COG3: variants seen among roughly 807,000 people sequenced by gnomAD.
COG3 encodes the protein conserved oligomeric Golgi complex subunit 3.
Under a neutral mutation model 114.1 loss-of-function variants are expected in COG3, and 32 were observed. The ratio of observed to expected loss-of-function variants is 0.28; its 90% CI spans 0.21 to 0.38. The LOEUF (loss-of-function observed/expected upper bound fraction) is 0.38. Among genes scored for constraint, COG3 ranks in the 10% least tolerant of loss-of-function variants. The pLI, the probability that COG3 is intolerant of heterozygous loss-of-function variation, is 1.00. For synonymous variants in COG3, 352 were observed against 365.7 expected (o/e 0.96, Z 0.43); for missense variants, 813 against 973.2 (o/e 0.84, Z 2.19).
intron 1 of COG3, among the ~76,000 whole-genome samples, chr13:45,471,650 G>A (rs760908507): frequency 3.3e-5 from 5 of 151,486 alleles, no homozygotes; most frequent in East Asian, 3.9e-4. Context: ...TTTATCTAGC[G>A]TTATATTCTG....
At chr13:45,513,767 C>T (rs1871227622) in intron 16 of COG3, among the ~76,000 whole-genome samples, 1 of 151,532 alleles carries the variant, frequency 6.6e-6, no homozygotes, top group Non-Finnish European at 1.5e-5. Context: ...TCTGTGCCCG[C>T]ACATTTTTGA....
chr13:45,503,593 G>A (rs1309842165), intron 14 of COG3, among the ~76,000 whole-genome samples: 1 of 152,216 alleles, frequency 6.6e-6, no homozygotes, highest in East Asian at 1.9e-4. Flanking sequence ...AGCTCTGAGT[G>A]TGGGAAGGTG....
At chr13:45,508,386 T>TTATATATATATATA (rs10571584) in intron 14 of COG3, among the ~76,000 whole-genome samples, 9 of 109,686 alleles carry the variant, frequency 8.2e-5, no homozygotes, top group African/African-American at 2.7e-4. Flanking sequence ...ATATATATTT[T>TTATATATATATATA]TATATATATA....
chr13:45,529,830 T>C lies in COG3; in HGVS notation c.2270T>C (p.Ile757Thr). Residue 757 changes from isoleucine to threonine, a missense_variant, in exon 21 of 23, where the codon ATA (isoleucine) becomes ACA (threonine). By Grantham distance (89) the Ile-to-Thr change is moderately conservative. Transcript: ENST00000349995. ...CTTGCGGCAACTGCATATAAGACAA[T>C]AAAAACAAAGCTGCCTGTGACATTG... is the stretch of plus-strand genomic sequence containing the variant. ...NDLAATAYKT[I>T]KTKLPVTLRS... The C allele has an allele frequency of 6.2e-7, 1 of 1,613,616 alleles. No individual in the cohort carries two copies. The highest frequency in any genetic ancestry group is 8.5e-7 in the Non-Finnish European group (1 of 1,179,616).
At position 45,465,035 on chromosome 13, in the gene COG3, CG is replaced by C; in HGVS notation, c.-1del. On this transcript the variant is annotated 5_prime_UTR_variant, in exon 1 of 23. Transcript: ENST00000349995. ...CTGCTGAAGGCCGCGAGGGCGGCGG[CG>C]ATGGCGGAGGCGGCGCTGTTGCTGC... The C allele has an allele frequency of 6.4e-7, 1 of 1,566,622 alleles. No homozygotes were observed. The highest frequency in any genetic ancestry group is 8.6e-7 in the Non-Finnish European group (1 of 1,157,954).
chr13:45,535,517 G>A lies in COG3; in HGVS notation c.*786G>A, dbSNP rs910903833. 43 of 985,448 alleles carry A rather than the reference G, an allele frequency of 4.4e-5. No homozygotes were observed. The highest frequency in any genetic ancestry group is 3.1e-4 in the Admixed American group (5 of 16,262). The allele number at this position is 985,448 out of a possible 1,614,324, so 61.0% of individuals were successfully genotyped here. On this transcript the variant is annotated 3_prime_UTR_variant, in exon 23 of 23. Transcript: ENST00000349995. The stretch of plus-strand genomic sequence containing the variant: ...CCAATTAAGGTGTCTTAAATTTGGC[G>A]CATAGAGGAGAGAAGGAAACCTGAG...
At chr13:45,500,553 CT>C (rs1869413063) in intron 13 of COG3, among the ~76,000 whole-genome samples, 2 of 152,016 alleles carry the variant, frequency 1.3e-5, no homozygotes, top group Non-Finnish European at 2.9e-5. Flanking sequence ...TTAAAGTAGA[CT>C]TTGTATTGTA....
intron 8 of COG3, among the ~76,000 whole-genome samples, chr13:45,489,261 T>TAAAA (rs1180674485): frequency 2.9e-3 from 3 of 1,036 alleles, no homozygotes; most frequent in African/African-American, 6.3e-3. Flanking sequence ...AGACCCAGCC[T>TAAAA]CAAAAAAAAA....
chr13:45,534,835 G>T lies in COG3; in HGVS notation c.*104G>T. On this transcript the variant is annotated 3_prime_UTR_variant, in exon 23 of 23. Coordinates refer to ENST00000349995, the MANE Select transcript of COG3 (RefSeq NM_031431.4). ...AGGAATCGTATGTGGGAACGTCCCC[G>T]AGAACCACACGAGCGTGCTGCTCAG... 7.0e-7 allele frequency: 1 copy of T among 1,432,244 alleles called. No homozygotes were observed. Among genetic ancestry groups the T allele is most frequent in the South Asian group, 1.5e-5 (1 of 64,694 alleles). The allele number at this position is 1,432,244 out of a possible 1,614,324, so 88.7% of individuals were successfully genotyped here.
chr13:45,483,173 G>C (rs941749108), intron 6 of COG3, 57 bp from the exon 7 acceptor site: 9 of 1,402,298 alleles, frequency 6.4e-6, no homozygotes, highest in African/African-American at 1.4e-5. Flanking sequence ...TTCACTAAAA[G>C]CTTGCTTTTT....
At chr13:45,508,436 A>G (rs1248678978) in intron 14 of COG3, among the ~76,000 whole-genome samples, 1 of 149,334 alleles carries the variant, frequency 6.7e-6, no homozygotes, top group African/African-American at 2.4e-5. Context: ...ATACACATAT[A>G]TATACATATA....
Position 45,520,486 on chromosome 13 carries a change from G to A in COG3, c.2154+1392G>A, listed in dbSNP as rs556077765. On this transcript the variant is annotated intron_variant, in intron 19 of 22. Transcript: ENST00000349995. ...ACAGGATATATGTATGAAATAACAAGGAGACAGCTATGCAATTGTTCATTA... is the reference window on the plus strand; with the variant it reads ...ACAGGATATATGTATGAAATAACAAAGAGACAGCTATGCAATTGTTCATTA... Among the ~76,000 whole-genome samples the A allele has an allele frequency of 5.3e-5, 8 of 152,214 alleles. No individual in the cohort carries two copies. The South Asian group carries it at 1.7e-3, about 32-fold the overall frequency.
chr13:45,524,847 A>C (rs2137917913), intron 19 of COG3, 129 bp from the exon 20 acceptor site: 1 of 560,260 alleles, frequency 1.8e-6, no homozygotes, highest in East Asian at 2.9e-5. Context: ...ACATTTGATT[A>C]TCATTGTGTT....
At position 45,483,332 on chromosome 13, in the gene COG3, C is replaced by A; in HGVS notation, c.820C>A (p.Leu274Ile). Residue 274 changes from leucine (L) to isoleucine (I), a missense_variant, in exon 7 of 23, where the codon CTC (leucine) becomes ATC (isoleucine). Physicochemically the swap from Leu to Ile is conservative, Grantham distance 5. Transcript: ENST00000349995. ...KTYTVNTLQT[L>I]TSQLLKRDPS... ...ATATACTGTGAACACACTACAGACC[C>A]TCACAAGTCAGTTACTGAAAAGGGT... is the stretch of plus-strand genomic sequence containing the variant. The A allele has an allele frequency of 6.3e-7, 1 of 1,586,158 alleles. No individual in the cohort carries two copies. The highest frequency in any genetic ancestry group is 1.4e-5 in the African/African-American group (1 of 73,796).
chr13:45,503,318 A>C lies in COG3; in HGVS notation c.1563A>C (p.Glu521Asp). 6.2e-7 allele frequency: 1 copy of C among 1,600,114 alleles called. No homozygotes were observed. The highest frequency in any genetic ancestry group is 8.6e-7 in the Non-Finnish European group (1 of 1,167,404). ...CTTCATTTTCAGATGTTCACTTAGA[A>C]GAAGGAGAGTCTAACAGTCTGACAA... ...SEASFSDVHL[E>D]EGESNSLTKS... The change falls in exon 14 of 23, where the codon GAA becomes GAC. Residue 521 changes from glutamate (E) to aspartate (D), a missense_variant. Glu to Asp is a conservative substitution (Grantham distance 45). Around this residue, in one of 2 missense-constraint regions of COG3, gnomAD observed 389 missense variants for 542.6 expected, o/e 0.72. Coordinates refer to ENST00000349995, the MANE Select transcript of COG3 (RefSeq NM_031431.4).
At chr13:45,504,124 A>G (rs113062322) in intron 14 of COG3, among the ~76,000 whole-genome samples, 3,285 of 152,112 alleles carry the variant, frequency 0.022, 118 homozygotes, top group African/African-American at 0.074. Flanking sequence ...CCATGGGACA[A>G]CTGGGAAGGT....
intron 6 of COG3, among the ~76,000 whole-genome samples, chr13:45,482,777 CCGT>C (rs1247556946): frequency 6.6e-6 from 1 of 152,116 alleles, no homozygotes; most frequent in African/African-American, 2.4e-5. Context: ...ACAGGATGAG[CCGT>C]TTTTAAATTG....
rs745506422 is a variant in COG3, at chr13:45,503,257, G to A, written c.1502G>A (p.Ser501Asn). The A allele has an allele frequency of 3.2e-6, 5 of 1,580,456 alleles. No individual in the cohort carries two copies. The Admixed American group carries it at 6.7e-5, about 21-fold the overall frequency. Residue 501 changes from serine to asparagine, a missense_variant, in exon 14 of 23, where the codon AGT (serine) becomes AAT (asparagine). Ser to Asn is a conservative substitution (Grantham distance 46). This residue lies in a region of COG3 where 389 missense variants were observed against 542.6 expected (regional missense o/e 0.72). Coordinates refer to ENST00000349995, the MANE Select transcript of COG3 (RefSeq NM_031431.4). ...KLVMMEQIAQ[S>N]LKDEQKKVPS... ...TTCTTTATACAGCAGATTGCACAGA[G>A]TTTGAAAGATGAACAGAAGAAGGTA...
In COG3 at chr13:45,486,289, TCGGGAGACGGGAGACGGGAGACGGGAGA is replaced by T. The variant is rs772080989; in HGVS notation, c.844-177_844-150del. On this transcript the variant is annotated intron_variant, in intron 7 of 22. Transcript: ENST00000349995. The stretch of plus-strand genomic sequence containing the variant: ...TCGGCTCGGCATGAGAGGGAGACCA[TCGGGAGACGGGAGACGGGAGACGGGAGA>T]CGGGAGACGGGAGACGGGAGACGGG... Among the ~76,000 whole-genome samples, 255 of 108,864 alleles carry T rather than the reference TCGGGAGACGGGAGACGGGAGACGGGAGA, an allele frequency of 2.3e-3. 39 individuals carry two copies. Among genetic ancestry groups the T allele is most frequent in the African/African-American group, 0.011 (236 of 21,112 alleles). The allele number at this position is 108,864 out of a possible 152,430, so 71.4% of individuals were successfully genotyped here.
Sources: gnomAD v4.1 joint callset for allele counts (sites outside exome capture counted in the v4.1 genomes callset) on GRCh38, gnomAD v4.1.1 for gene constraint, gnomAD v4.1.1 regional missense constraint, MANE v1.5 for transcripts, NCBI Gene and HGNC (gene_info 2026-07-23, HGNC 2026-07-21) for gene names.